DRD2: variants seen among roughly 807,000 people sequenced by gnomAD.
DRD2 encodes the protein dopamine receptor D2.
Under a neutral mutation model 38.0 loss-of-function variants are expected in DRD2, and 8 were observed. The ratio of observed to expected loss-of-function variants is 0.21; its 90% CI spans 0.12 to 0.38. The LOEUF (loss-of-function observed/expected upper bound fraction) is 0.38, where lower values mean the gene tolerates loss of function less well. Among genes scored for constraint, DRD2 ranks in the 10% least tolerant of loss-of-function variants. The probability of loss-of-function intolerance (pLI) is 1.00; values close to 1 mark genes in which losing one functional copy is unlikely to be tolerated. For missense variants in DRD2, 403 were observed against 607.7 expected (o/e 0.66, Z 3.54); for synonymous variants, 230 against 238.6 (o/e 0.96, Z 0.33).
At chr11:113,453,737 C>G (rs997155730) in intron 1 of DRD2, among the ~76,000 whole-genome samples, 22 of 152,144 alleles carry the variant, frequency 1.4e-4, no homozygotes, top group African/African-American at 5.3e-4. Flanking sequence ...GGGGTTGTCC[C>G]CCCAGGCTGG....
chr11:113,436,631 C>T (rs1420291708), intron 1 of DRD2, among the ~76,000 whole-genome samples: 1 of 151,958 alleles, frequency 6.6e-6, no homozygotes, highest in African/African-American at 2.4e-5. Context: ...GGGGTAGAAG[C>T]ATAGATGGAA....
intron 6 of DRD2, 144 bp from the exon 7 acceptor site, chr11:113,413,027 T>G (rs1950785862): frequency 3.2e-6 from 3 of 948,806 alleles, no homozygotes; most frequent in African/African-American, 1.6e-5. Context: ...AGGATGTCAC[T>G]GAGGCATGGG....
chr11:113,428,369 A>C (rs1300152039), intron 1 of DRD2, among the ~76,000 whole-genome samples: 1 of 152,140 alleles, frequency 6.6e-6, no homozygotes, highest in African/African-American at 2.4e-5. Flanking sequence ...CCTCTCATAG[A>C]TGTCACAGCT....
At chr11:113,471,977 G>A (rs1951431593) in intron 1 of DRD2, among the ~76,000 whole-genome samples, 1 of 152,184 alleles carries the variant, frequency 6.6e-6, no homozygotes, top group African/African-American at 2.4e-5. Flanking sequence ...ATGACTTAGG[G>A]TTCTGGCATT....
chr11:113,424,461 G>T lies in DRD2; in HGVS notation c.191C>A (p.Ala64Glu). Residue 64 changes from alanine (A) to glutamate (E), a missense_variant, in exon 2 of 8, where the codon GCG becomes GAG. By Grantham distance (107) the Ala-to-Glu change is moderately radical. Around this residue, in one of 4 missense-constraint regions of DRD2, gnomAD observed 162 missense variants for 254.5 expected, o/e 0.64. Transcript: ENST00000362072. Reference protein sequence around the residue: ...LVCMAVSREKALQTTTNYLIV... With the variant: ...LVCMAVSREKELQTTTNYLIV... ...CAGGTAGTTGGTGGTGGTCTGCAGC[G>T]CCTTCTCGCGGGACACAGCCATGCA... 6.2e-7 allele frequency: 1 copy of T among 1,614,246 alleles called. No homozygotes were observed. The highest frequency in any genetic ancestry group is 1.3e-5 in the African/African-American group (1 of 75,062).
intron 1 of DRD2, among the ~76,000 whole-genome samples, chr11:113,438,308 G>T (rs1381657956): frequency 1.3e-5 from 2 of 152,088 alleles, no homozygotes; most frequent in East Asian, 3.9e-4. Flanking sequence ...TCTGTAACAT[G>T]GGGGCAATAA....
At chr11:113,468,800 A>T (rs1211984732) in intron 1 of DRD2, among the ~76,000 whole-genome samples, 1 of 152,100 alleles carries the variant, frequency 6.6e-6, no homozygotes, top group Non-Finnish European at 1.5e-5. Context: ...TGCCCACCTC[A>T]GCCTCCCAAA....
At chr11:113,424,765 T>A in intron 1 of DRD2, 83 bp from the exon 2 acceptor site, 1 of 1,337,980 alleles carries the variant, frequency 7.5e-7, no homozygotes, top group Non-Finnish European at 1.0e-6. Context: ...TCCTGGCATT[T>A]AATAATGAGA....
rs757780702 is a variant in DRD2, at chr11:113,412,569, G to A, written c.1125C>T (p.Leu375=). The A allele has an allele frequency of 1.5e-5, 24 of 1,613,530 alleles. No homozygotes were observed. Among genetic ancestry groups the A allele is most frequent in the African/African-American group, 2.7e-5 (2 of 74,926 alleles). ...GGGCCGACTCACCGAGAACAATGGC[G>A]AGCATCTGAGTGGCTTTCTTCTCCT... is the stretch of plus-strand genomic sequence containing the variant. The part of the protein sequence containing the change: ...QQKEKKATQM[L]AIVLGVFIIC... The change falls in exon 7 of 8, where the codon CTC becomes CTT. Residue 375 remains leucine, a synonymous_variant. Transcript: ENST00000362072.
intron 1 of DRD2, among the ~76,000 whole-genome samples, chr11:113,456,553 A>G (rs1439056699): frequency 6.6e-6 from 1 of 152,206 alleles, no homozygotes; most frequent in African/African-American, 2.4e-5. Context: ...TTATTTTTCA[A>G]TAAAAATACA....
chr11:113,451,689 C>T (rs534463662), intron 1 of DRD2, among the ~76,000 whole-genome samples: 1 of 152,040 alleles, frequency 6.6e-6, no homozygotes, highest in African/African-American at 2.4e-5. Context: ...GGGGTTTTAC[C>T]ATGTCGGCCA....
At chr11:113,438,266 C>A (rs1831996240) in intron 1 of DRD2, among the ~76,000 whole-genome samples, 1 of 152,026 alleles carries the variant, frequency 6.6e-6, no homozygotes, top group Non-Finnish European at 1.5e-5. Context: ...ATGGCCTTGA[C>A]AATGAAATTG....
chr11:113,449,543 G>A (rs1442396287), intron 1 of DRD2, among the ~76,000 whole-genome samples: 1 of 152,188 alleles, frequency 6.6e-6, no homozygotes, highest in Non-Finnish European at 1.5e-5. Flanking sequence ...GCTTGGAAAA[G>A]CATAATGCTG....
At chr11:113,433,392 TG>T (rs1460149917) in intron 1 of DRD2, among the ~76,000 whole-genome samples, 2 of 152,226 alleles carry the variant, frequency 1.3e-5, no homozygotes, top group Middle Eastern at 3.4e-3. Flanking sequence ...AGCACTACTG[TG>T]GGGGAACAGG....
intron 1 of DRD2, among the ~76,000 whole-genome samples, chr11:113,460,281 C>T: frequency 6.6e-6 from 1 of 152,244 alleles, no homozygotes; most frequent in Non-Finnish European, 1.5e-5. Context: ...ACCCCCAGCC[C>T]CAGCAGCACT....
rs752877189 is a variant in DRD2, at chr11:113,417,014, G to T, written c.396-15C>A. The T allele has an allele frequency of 4.3e-6, 7 of 1,612,984 alleles. No homozygotes were observed. The highest frequency in any genetic ancestry group is 5.1e-6 in the Non-Finnish European group (6 of 1,179,422). ...CAGCTGTGTACCTGCAAGGGCGGGG[G>T]ACCCTGAATCTGGGGTGCAGGCCCA... On this transcript the variant is annotated splice_polypyrimidine_tract_variant and intron_variant, in intron 3 of 7. Transcript: ENST00000362072.
At chr11:113,468,754 C>T (rs1951393878) in intron 1 of DRD2, among the ~76,000 whole-genome samples, 1 of 152,070 alleles carries the variant, frequency 6.6e-6, no homozygotes, top group Admixed American at 6.6e-5. Flanking sequence ...CACTGTGTTG[C>T]CCAGGCTGGT....
intron 1 of DRD2, among the ~76,000 whole-genome samples, chr11:113,463,145 G>T (rs1431187779): frequency 1.3e-5 from 2 of 152,160 alleles, no homozygotes; most frequent in Non-Finnish European, 2.9e-5. Flanking sequence ...TAAGTATTTT[G>T]GTCCTACTTT....
At chr11:113,422,242 G>T (rs1950892498) in intron 2 of DRD2, among the ~76,000 whole-genome samples, 1 of 152,236 alleles carries the variant, frequency 6.6e-6, no homozygotes, top group Non-Finnish European at 1.5e-5. Flanking sequence ...AGCAGTGCTG[G>T]ATGTCTATTG....
Sources: gnomAD v4.1 joint callset for allele counts (sites outside exome capture counted in the v4.1 genomes callset) on GRCh38, gnomAD v4.1.1 for gene constraint, gnomAD v4.1.1 regional missense constraint, MANE v1.5 for transcripts, NCBI Gene and HGNC (gene_info 2026-07-23, HGNC 2026-07-21) for gene names.